Variants in PCDH15 observed in about 807,000 individuals in gnomAD.
PCDH15 encodes protocadherin related 15.
Under a neutral mutation model 178.5 loss-of-function variants are expected in PCDH15, and 129 were observed. That is an observed-to-expected ratio of 0.72 (90% CI 0.63 to 0.84). The LOEUF (loss-of-function observed/expected upper bound fraction) is 0.84, where lower values mean the gene tolerates loss of function less well. Among genes scored for constraint, PCDH15 ranks in the 40% least tolerant of loss-of-function variants. The pLI, the probability that PCDH15 is intolerant of heterozygous loss-of-function variation, is 0.00. For missense variants in PCDH15, 2,230 were observed against 2,099.9 expected (o/e 1.06, Z -1.21); for synonymous variants, 800 against 732.0 (o/e 1.09, Z -1.50).
chr10:54,341,456 C>T (rs537819563), intron 6 of PCDH15, among the ~76,000 whole-genome samples: 1 of 152,276 alleles, frequency 6.6e-6, no homozygotes, highest in South Asian at 2.1e-4. Flanking sequence ...GTGTCCCTAG[C>T]CATTCAGAAC....
intron 2 of PCDH15, among the ~76,000 whole-genome samples, chr10:55,138,153 GCAAATAA>G (rs1838254569): frequency 6.6e-6 from 1 of 152,034 alleles, no homozygotes; most frequent in South Asian, 2.1e-4. Context: ...GCCAAATTTA[GCAAATAA>G]ACATATAAGA....
intron 2 of PCDH15, among the ~76,000 whole-genome samples, chr10:55,556,315 G>C (rs1842090025): frequency 6.6e-6 from 1 of 152,082 alleles, no homozygotes. Flanking sequence ...GTTGCTTTGG[G>C]CCCTAAGATT....
chr10:54,375,812 A>T, intron 4 of PCDH15, among the ~76,000 whole-genome samples: 1 of 116,552 alleles, frequency 8.6e-6, no homozygotes, highest in East Asian at 2.0e-4. Context: ...TAATATATAA[A>T]TAAAAATATA....
At position 55,122,396 on chromosome 10, in the gene PCDH15, G is replaced by A. The variant is rs183081827; in HGVS notation, c.-80+44180C>T. ...AGTTGTGTAAGGATAGGAGAGAAGT[G>A]TGGGCAAGATGGGGATTTTTGACAG... On this transcript the variant is annotated intron_variant, in intron 2 of 5. Transcript: ENST00000458638. 2.1e-3 allele frequency among the ~76,000 whole-genome samples: 313 copies of A among 152,268 alleles called. 1 individual carries two copies. The highest frequency in any genetic ancestry group is 7.4e-3 in the African/African-American group (307 of 41,562).
chr10:55,598,681 C>T (rs1433001888), intron 2 of PCDH15, among the ~76,000 whole-genome samples: 1 of 151,098 alleles, frequency 6.6e-6, no homozygotes, highest in Non-Finnish European at 1.5e-5. Flanking sequence ...TCTAAATGTT[C>T]GAAGAGGATT....
intron 2 of PCDH15, chr10:55,599,786 G>T: frequency 2.1e-6 from 1 of 486,412 alleles, no homozygotes. Flanking sequence ...ATCACCCCTA[G>T]CATTGCTAGT....
chr10:54,132,748 C>T (rs1590689265), intron 15 of PCDH15, 127 bp downstream of exon 15: 3 of 1,464,524 alleles, frequency 2.0e-6, no homozygotes, highest in South Asian at 2.5e-5. Flanking sequence ...ATGGAATTTT[C>T]ATTCACTAGA....
intron 2 of PCDH15, among the ~76,000 whole-genome samples, chr10:55,106,099 GC>G (rs1283237378): frequency 6.6e-6 from 1 of 151,930 alleles, no homozygotes; most frequent in Non-Finnish European, 1.5e-5. Context: ...TAGAAACAAG[GC>G]ACAATAAAGT....
chr10:54,903,206 A>G (rs933735150), intron 2 of PCDH15, among the ~76,000 whole-genome samples: 14 of 152,172 alleles, frequency 9.2e-5, no homozygotes, highest in African/African-American at 3.4e-4. Flanking sequence ...TAACATCAAC[A>G]CTACAGTGTT....
intron 14 of PCDH15, among the ~76,000 whole-genome samples, chr10:54,144,123 T>G (rs927862077): frequency 5.3e-5 from 8 of 151,984 alleles, no homozygotes. Context: ...CAGAAGAAAA[T>G]GATACTATTA....
chr10:53,864,544 T>A (rs2079317253), intron 27 of PCDH15, among the ~76,000 whole-genome samples: 1 of 152,116 alleles, frequency 6.6e-6, no homozygotes, highest in Admixed American at 6.5e-5. Flanking sequence ...CAGCTCAGCC[T>A]TTAGCCTCAG....
chr10:54,944,448 C>T (rs1356392790), intron 2 of PCDH15, among the ~76,000 whole-genome samples: 1 of 151,850 alleles, frequency 6.6e-6, no homozygotes. Context: ...TTGAGAAGCG[C>T]AAGATTAACA....
At chr10:54,507,302 A>T (rs1161310517) in intron 3 of PCDH15, among the ~76,000 whole-genome samples, 1 of 151,392 alleles carries the variant, frequency 6.6e-6, no homozygotes, top group Non-Finnish European at 1.5e-5. Context: ...TGCATAGAGT[A>T]TTATGTAATA....
At chr10:54,669,608 G>A (rs910133014) in intron 1 of PCDH15, among the ~76,000 whole-genome samples, 8 of 149,336 alleles carry the variant, frequency 5.4e-5, no homozygotes, top group African/African-American at 2.0e-4. Context: ...AGTTTGGAAA[G>A]TAACTAATGT....
At chr10:55,442,457 A>ATT (rs1839210798) in intron 2 of PCDH15, among the ~76,000 whole-genome samples, 1 of 67,612 alleles carries the variant, frequency 1.5e-5, no homozygotes, top group African/African-American at 7.3e-5. Flanking sequence ...TAATTTGATT[A>ATT]TATATATATA....
At chr10:54,768,688 T>C (rs1247221102) in intron 1 of PCDH15, among the ~76,000 whole-genome samples, 4 of 152,176 alleles carry the variant, frequency 2.6e-5, no homozygotes, top group Non-Finnish European at 5.9e-5. Context: ...TTTTAGGTTC[T>C]GAATGGGGTA....
At chr10:54,130,856 G>A (rs995668224) in intron 15 of PCDH15, among the ~76,000 whole-genome samples, 4 of 152,182 alleles carry the variant, frequency 2.6e-5, no homozygotes, top group Non-Finnish European at 4.4e-5. Context: ...GACTTTTGAA[G>A]AGTAATTTGA....
intron 26 of PCDH15, among the ~76,000 whole-genome samples, chr10:53,873,623 A>T (rs972074844): frequency 6.6e-6 from 1 of 152,248 alleles, no homozygotes; most frequent in African/African-American, 2.4e-5. Context: ...CAGTTTAAAA[A>T]TAAAACAACA....
intron 1 of PCDH15, among the ~76,000 whole-genome samples, chr10:54,684,659 A>C (rs2094960890): frequency 6.6e-6 from 1 of 152,076 alleles, no homozygotes; most frequent in Admixed American, 6.6e-5. Flanking sequence ...GTTAAGCTAG[A>C]AAATATTTAA....
Sources: gnomAD v4.1 joint callset for allele counts (sites outside exome capture counted in the v4.1 genomes callset) on GRCh38, gnomAD v4.1.1 for gene constraint, MANE v1.5 for transcripts, NCBI Gene and HGNC (gene_info 2026-07-23, HGNC 2026-07-21) for gene names.